AP3B1: variants seen among roughly 807,000 people sequenced by gnomAD.
The protein encoded by AP3B1 is AP-3 complex subunit beta-1.
In AP3B1, 61 loss-of-function variants were observed where a neutral mutation model predicts 132.5. That is an observed-to-expected ratio of 0.46 (90% CI 0.37 to 0.57). The LOEUF is 0.57. Ranked by LOEUF, AP3B1 falls within the 20% of genes least tolerant of loss-of-function variation. AP3B1 has a pLI of 0.00. For missense variants in AP3B1, 1,120 were observed against 1,289.4 expected (o/e 0.87, Z 2.01); for synonymous variants, 388 against 438.3 (o/e 0.89, Z 1.43).
At chr5:78,082,466 A>G (rs1750056247) in intron 22 of AP3B1, among the ~76,000 whole-genome samples, 1 of 152,200 alleles carries the variant, frequency 6.6e-6, no homozygotes, top group African/African-American at 2.4e-5. Flanking sequence ...GAATTCAAAC[A>G]TTTTCGGGAT....
intron 5 of AP3B1, among the ~76,000 whole-genome samples, chr5:78,226,910 A>G (rs1746421058): frequency 6.6e-6 from 1 of 152,120 alleles, no homozygotes; most frequent in South Asian, 2.1e-4. Context: ...TACTTAATAA[A>G]ATAGCTCTGG....
intron 7 of AP3B1, among the ~76,000 whole-genome samples, chr5:78,196,286 T>C (rs75620410): frequency 0.041 from 6,247 of 152,246 alleles, 194 homozygotes; most frequent in East Asian, 0.13. Context: ...TTCAAAACCA[T>C]GTCATTAGGG....
intron 21 of AP3B1, among the ~76,000 whole-genome samples, chr5:78,090,816 T>A (rs960158442): frequency 6.6e-5 from 10 of 152,244 alleles, no homozygotes; most frequent in African/African-American, 2.4e-4. Flanking sequence ...TTTCTTTTTT[T>A]ATTTTTATTT....
At chr5:78,285,998 T>G (rs1749263987) in intron 1 of AP3B1, among the ~76,000 whole-genome samples, 1 of 152,136 alleles carries the variant, frequency 6.6e-6, no homozygotes, top group Non-Finnish European at 1.5e-5. Context: ...ATTTCACCCC[T>G]CTGCTCAAAA....
At chr5:78,085,049 T>G (rs1210709481) in intron 22 of AP3B1, among the ~76,000 whole-genome samples, 1 of 152,206 alleles carries the variant, frequency 6.6e-6, no homozygotes, top group East Asian at 1.9e-4. Context: ...CATAAATCTG[T>G]GTAATTCTAA....
At chr5:78,257,594 C>T (rs1031215392) in intron 2 of AP3B1, among the ~76,000 whole-genome samples, 1 of 152,152 alleles carries the variant, frequency 6.6e-6, no homozygotes, top group Non-Finnish European at 1.5e-5. Flanking sequence ...GTCCCTACTA[C>T]CCAAAACAAT....
Position 78,020,758 on chromosome 5 carries a change from G to A in AP3B1, c.2926C>T (p.Gln976Ter). The change falls in exon 25 of 27, where the codon CAG becomes TAG. Residue 976 changes from glutamine to a stop codon, truncating the protein, a stop_gained. Coordinates refer to ENST00000255194, the MANE Select transcript of AP3B1 (RefSeq NM_003664.5). LOFTEE classifies it high-confidence loss of function. Reference sequence around the variant, plus strand: ...AAAAGCAGTTCTCCAACAGGTGGCTGAATATTAACATTGAAGCAATCATCC... The same window carrying A: ...AAAAGCAGTTCTCCAACAGGTGGCTAAATATTAACATTGAAGCAATCATCC... ...TKDDCFNVNI[Q>*]PPVGELLLPV... is the part of the protein sequence containing the mutation. 1 of 1,612,400 alleles carries A rather than the reference G, an allele frequency of 6.2e-7. No homozygotes were observed. The highest frequency in any genetic ancestry group is 8.5e-7 in the Non-Finnish European group (1 of 1,179,168).
At chr5:78,227,328 T>C (rs756131904) in intron 5 of AP3B1, 44 bp downstream of exon 5, 3 of 1,586,108 alleles carry the variant, frequency 1.9e-6, no homozygotes, top group East Asian at 4.5e-5. Context: ...TAACATTCCA[T>C]GTAACATCAG....
At chr5:78,018,081 GA>G (rs1370261101) in intron 25 of AP3B1, among the ~76,000 whole-genome samples, 1 of 151,776 alleles carries the variant, frequency 6.6e-6, no homozygotes, top group East Asian at 1.9e-4. Flanking sequence ...AGTTATCTCG[GA>G]ACACGTACTC....
At chr5:78,172,099 G>A (rs1193740704) in intron 11 of AP3B1, among the ~76,000 whole-genome samples, 1 of 152,146 alleles carries the variant, frequency 6.6e-6, no homozygotes, top group Non-Finnish European at 1.5e-5. Flanking sequence ...CATCTTGACT[G>A]TGGTGGATAA....
chr5:78,114,214 A>G (rs1751725078), intron 18 of AP3B1, among the ~76,000 whole-genome samples: 1 of 152,200 alleles, frequency 6.6e-6, no homozygotes, highest in Non-Finnish European at 1.5e-5. Context: ...TTCAAACCCC[A>G]AAGTATATAG....
chr5:78,261,234 A>G (rs778081058), intron 2 of AP3B1, among the ~76,000 whole-genome samples: 3 of 152,238 alleles, frequency 2.0e-5, no homozygotes, highest in Non-Finnish European at 4.4e-5. Flanking sequence ...CCAGCAATGC[A>G]TAAGAGTTCT....
downstream of AP3B1, chr5:78,001,042 G>A (rs1456000635): frequency 6.6e-6 from 1 of 152,038 alleles, no homozygotes; most frequent in African/African-American, 2.4e-5. Flanking sequence ...AAAGTTAGCA[G>A]CCAAAAATAA....
chr5:78,249,409 G>C (rs1344062746), intron 2 of AP3B1, among the ~76,000 whole-genome samples: 3 of 151,884 alleles, frequency 2.0e-5, no homozygotes, highest in East Asian at 3.9e-4. Flanking sequence ...CATCAAATTT[G>C]GGAAGTTTTC....
chr5:78,136,187 C>T (rs139820001), intron 15 of AP3B1, among the ~76,000 whole-genome samples: 311 of 152,148 alleles, frequency 2.0e-3, no homozygotes, highest in African/African-American at 6.9e-3. Context: ...AGCAGTTGCT[C>T]GCTAGGGTTA....
At chr5:78,103,041 T>C (rs148111503) in intron 20 of AP3B1, among the ~76,000 whole-genome samples, 2 of 152,270 alleles carry the variant, frequency 1.3e-5, no homozygotes, top group East Asian at 1.9e-4. Context: ...ACATTAGCAA[T>C]AGATAATGGT....
At chr5:78,045,380 C>CAAAA (rs71608139) in intron 22 of AP3B1, among the ~76,000 whole-genome samples, 1 of 63,906 alleles carries the variant, frequency 1.6e-5, no homozygotes, top group South Asian at 5.1e-4. Context: ...GGCTCTGTCT[C>CAAAA]AAAAAAAAAA....
chr5:78,117,416 T>C (rs993613778), intron 17 of AP3B1, among the ~76,000 whole-genome samples: 5 of 152,010 alleles, frequency 3.3e-5, no homozygotes, highest in Admixed American at 3.3e-4. Flanking sequence ...TTCAAGCGAT[T>C]GTCCTGCCTC....
intron 3 of AP3B1, among the ~76,000 whole-genome samples, chr5:78,231,204 C>T (rs10079677): frequency 0.33 from 50,742 of 151,996 alleles, 8,573 homozygotes; most frequent in Middle Eastern, 0.43. Context: ...CAAAGTCTCA[C>T]TCTGTCACCA....
Sources: allele counts gnomAD v4.1 joint callset (sites outside exome capture counted in the v4.1 genomes callset), GRCh38; gene constraint gnomAD v4.1.1; transcripts MANE v1.5; gene names NCBI Gene and HGNC (gene_info 2026-07-23, HGNC 2026-07-21).